The following PCSK5 variants were observed in gnomAD, a reference collection of about 807,000 sequenced individuals.
The protein encoded by PCSK5 is proprotein convertase subtilisin/kexin type 5, also known as prohormone convertase 5.
PCSK5 carries 129 observed loss-of-function variants against 233.2 expected under a neutral mutation model. The observed-to-expected ratio is 0.55, with a 90% CI of 0.48 to 0.64. PCSK5 has a LOEUF of 0.64. PCSK5 is among the 30% of genes least tolerant of loss of function. The pLI is 0.00. For missense variants in PCSK5, 2,076 were observed against 2,430.1 expected, an observed-to-expected ratio of 0.85 and a Z score of 3.06; for synonymous variants, 825 against 879.2, an observed-to-expected ratio of 0.94 and a Z score of 1.09.
At chr9:76,215,160 CTG>C (rs1825476486) in intron 20 of PCSK5, among the ~76,000 whole-genome samples, 1 of 152,220 alleles carries the variant, frequency 6.6e-6, no homozygotes, top group Non-Finnish European at 1.5e-5. Flanking sequence ...TTTTGGCAAA[CTG>C]TGAACAGCAG....
intron 29 of PCSK5, among the ~76,000 whole-genome samples, chr9:76,309,959 G>A (rs1050144022): frequency 6.6e-6 from 1 of 152,118 alleles, no homozygotes; most frequent in Non-Finnish European, 1.5e-5. Context: ...GGGAGAGTTG[G>A]GTGGAAGAGT....
chr9:75,992,310 A>G (rs909209877), intron 3 of PCSK5, among the ~76,000 whole-genome samples: 1 of 152,220 alleles, frequency 6.6e-6, no homozygotes, highest in Admixed American at 6.5e-5. Context: ...TATTCAATTT[A>G]CAATAGATGT....
intron 17 of PCSK5, among the ~76,000 whole-genome samples, chr9:76,188,201 T>C (rs1158972751): frequency 1.3e-5 from 2 of 152,202 alleles, no homozygotes; most frequent in Admixed American, 6.5e-5. Flanking sequence ...GTAGTAAGTC[T>C]GGATATTAAG....
intron 4 of PCSK5, among the ~76,000 whole-genome samples, chr9:76,026,260 G>C (rs1587516398): frequency 6.6e-6 from 1 of 152,128 alleles, no homozygotes; most frequent in Non-Finnish European, 1.5e-5. Flanking sequence ...TCCAACTTTG[G>C]TTCTGGAGAT....
At chr9:75,990,865 G>T in intron 3 of PCSK5, among the ~76,000 whole-genome samples, 1 of 152,312 alleles carries the variant, frequency 6.6e-6, no homozygotes, top group Non-Finnish European at 1.5e-5. Flanking sequence ...TTGATGTGGA[G>T]TGGGGCAAAG....
At chr9:75,899,431 A>G (rs1825936499) in intron 1 of PCSK5, among the ~76,000 whole-genome samples, 1 of 152,148 alleles carries the variant, frequency 6.6e-6, no homozygotes, top group African/African-American at 2.4e-5. Context: ...ACAACACAGT[A>G]TTATTATGTT....
chr9:76,043,705 A>G (rs1829235415), intron 5 of PCSK5, among the ~76,000 whole-genome samples: 1 of 152,140 alleles, frequency 6.6e-6, no homozygotes, highest in Non-Finnish European at 1.5e-5. Context: ...TTATGTATGT[A>G]TTTATTTTGA....
Position 76,310,733 on chromosome 9 carries a change from G to T in PCSK5, c.3766G>T (p.Glu1256Ter). ...TWPSVRSGSC[E>*]NCTEACAICS... ...GCCTTCCGTAAGGAGTGGGAGCTGCGAGAACTGTACGGAGGCCTGTGCCAT... is the reference window on the plus strand; with the variant it reads ...GCCTTCCGTAAGGAGTGGGAGCTGCTAGAACTGTACGGAGGCCTGTGCCAT... Residue 1256 changes from glutamate to a stop codon, truncating the protein, a stop_gained, in exon 30 of 38, where the codon GAG becomes TAG. Transcript: ENST00000674117. LOFTEE classifies it high-confidence loss of function. 6.2e-7 allele frequency: 1 copy of T among 1,612,242 alleles called. No individual in the cohort carries two copies. Among genetic ancestry groups the T allele is most frequent in the Non-Finnish European group, 8.5e-7 (1 of 1,179,602 alleles).
In PCSK5 at chr9:76,323,259, A is replaced by G. The variant is rs1261372972; in HGVS notation, c.4310A>G (p.Tyr1437Cys). ...LCLEECPAGT[Y>C]YEKETKECRD... is the part of the protein sequence containing the mutation. Reference sequence around the variant, plus strand: ...TTGGAGGAGTGTCCAGCAGGAACCTATTATGAAAAGGAGACTAAGGAGTGC... The same window carrying G: ...TTGGAGGAGTGTCCAGCAGGAACCTGTTATGAAAAGGAGACTAAGGAGTGC... The change falls in exon 32 of 38, where the codon TAT (tyrosine) becomes TGT (cysteine). Residue 1437 changes from tyrosine to cysteine, a missense_variant. Physicochemically the swap from Tyr to Cys is radical, Grantham distance 194. Coordinates refer to ENST00000674117, the MANE Select transcript of PCSK5 (RefSeq NM_001372043.1). 6.2e-7 allele frequency: 1 copy of G among 1,611,492 alleles called. No individual in the cohort carries two copies.
At chr9:76,267,530 G>C (rs1827372102) in intron 24 of PCSK5, among the ~76,000 whole-genome samples, 1 of 152,128 alleles carries the variant, frequency 6.6e-6, no homozygotes, top group Admixed American at 6.6e-5. Flanking sequence ...AGAAGAGCTT[G>C]GCTTTGTAGA....
chr9:76,143,657 C>CATCTCTTG (rs1823319240), intron 10 of PCSK5, among the ~76,000 whole-genome samples: 3 of 151,136 alleles, frequency 2.0e-5, no homozygotes, highest in Admixed American at 2.0e-4. Flanking sequence ...CATTTTTTAT[C>CATCTCTTG]ATCTCTTGGC....
At chr9:75,952,622 C>G (rs1025153228) in intron 2 of PCSK5, among the ~76,000 whole-genome samples, 1 of 152,202 alleles carries the variant, frequency 6.6e-6, no homozygotes, top group Non-Finnish European at 1.5e-5. Flanking sequence ...TATTCAGCTT[C>G]TTTCCTTGCC....
Position 76,181,438 on chromosome 9 carries a change from G to T in PCSK5, c.2044G>T (p.Asp682Tyr). 1 of 1,613,932 alleles carries T rather than the reference G, an allele frequency of 6.2e-7. No individual in the cohort carries two copies. Among genetic ancestry groups the T allele is most frequent in the Non-Finnish European group, 8.5e-7 (1 of 1,179,910 alleles). The change falls in exon 16 of 38, where the codon GAC becomes TAC. Residue 682 changes from aspartate (D) to tyrosine (Y), a missense_variant. Asp to Tyr is a radical substitution (Grantham distance 160, BLOSUM62 -3). This residue lies in a region of PCSK5 where 1,510 missense variants were observed against 1,538.1 expected (regional missense o/e 0.98). Coordinates refer to ENST00000674117, the MANE Select transcript of PCSK5 (RefSeq NM_001372043.1). ...SSCPPGHYHA[D>Y]KKRCRKCAPN... ...CTGCCCCCCTGGCCACTACCACGCC[G>T]ACAAGAAGCGCTGCAGGAAGTGTGC...
intron 3 of PCSK5, among the ~76,000 whole-genome samples, chr9:76,000,362 C>T (rs941209329): frequency 6.6e-6 from 1 of 152,162 alleles, no homozygotes; most frequent in African/African-American, 2.4e-5. Context: ...GACTGCTTCC[C>T]AGTGACGGTG....
At chr9:76,238,313 C>A (rs1231585566) in intron 22 of PCSK5, among the ~76,000 whole-genome samples, 5 of 152,174 alleles carry the variant, frequency 3.3e-5, no homozygotes, top group Admixed American at 3.3e-4. Flanking sequence ...GTCTGTTAGG[C>A]TGTGGGCACT....
At chr9:75,978,117 G>T (rs1826108762) in intron 2 of PCSK5, among the ~76,000 whole-genome samples, 1 of 151,808 alleles carries the variant, frequency 6.6e-6, no homozygotes, top group South Asian at 2.1e-4. Context: ...TAAATTTTTG[G>T]CTCCTTTTTT....
chr9:76,149,491 A>C (rs957295414), intron 10 of PCSK5, among the ~76,000 whole-genome samples: 2 of 152,234 alleles, frequency 1.3e-5, no homozygotes, highest in African/African-American at 4.8e-5. Flanking sequence ...AGAATTATCT[A>C]AAAGTAATAT....
rs1827239911 is a variant in PCSK5, at chr9:76,263,398, A to G, written c.3142+22714A>G. On this transcript the variant is annotated intron_variant, in intron 24 of 37. Transcript: ENST00000674117. The stretch of plus-strand genomic sequence containing the variant: ...CAACGCAAATGTCCAACAATGATAG[A>G]CTGGATTAAGAAAATGTGGCACATA... 2.0e-5 allele frequency among the ~76,000 whole-genome samples: 3 copies of G among 152,226 alleles called. No individual in the cohort carries two copies. The South Asian group carries it at 6.2e-4, about 31-fold the overall frequency.
chr9:76,331,069 T>TC (rs1564185265), intron 33 of PCSK5, among the ~76,000 whole-genome samples: 1 of 152,130 alleles, frequency 6.6e-6, no homozygotes, highest in East Asian at 1.9e-4. Flanking sequence ...AGAGCTGTAG[T>TC]CCCCCTGGGA....
Sources: gnomAD v4.1 joint callset for allele counts (sites outside exome capture counted in the v4.1 genomes callset) on GRCh38, gnomAD v4.1.1 for gene constraint, gnomAD v4.1.1 regional missense constraint, MANE v1.5 for transcripts, NCBI Gene and HGNC (gene_info 2026-07-23, HGNC 2026-07-21) for gene names.